The following ANK3 variants were observed in gnomAD, a reference collection of about 807,000 sequenced individuals.
The protein encoded by ANK3 is ankyrin 3.
ANK3 carries 57 observed loss-of-function variants against 370.9 expected under a neutral mutation model. That is an observed-to-expected ratio of 0.15 (90% CI 0.12 to 0.19). The LOEUF (loss-of-function observed/expected upper bound fraction) is 0.19. Among genes scored for constraint, ANK3 ranks in the 10% least tolerant of loss-of-function variants. The pLI is 1.00. For synonymous variants in ANK3, 1,929 were observed against 1,946.3 expected, an observed-to-expected ratio of 0.99 and a Z score of 0.23; for missense variants, 4,439 against 5,302.1, an observed-to-expected ratio of 0.84 and a Z score of 5.06.
At chr10:60,306,855 C>A (rs577863005) in intron 1 of ANK3, among the ~76,000 whole-genome samples, 6 of 152,226 alleles carry the variant, frequency 3.9e-5, no homozygotes, top group Admixed American at 3.9e-4. Context: ...GGTCCTCCTG[C>A]CCTGGCCTCC....
chr10:60,509,443 T>C (rs2076024584), intron 2 of ANK3, among the ~76,000 whole-genome samples: 1 of 152,156 alleles, frequency 6.6e-6, no homozygotes, highest in African/African-American at 2.4e-5. Context: ...TTAAGAAACT[T>C]GCTGAAAGCC....
intron 2 of ANK3, among the ~76,000 whole-genome samples, chr10:60,499,108 A>G (rs892496213): frequency 2.0e-5 from 3 of 152,190 alleles, no homozygotes; most frequent in Non-Finnish European, 4.4e-5. Flanking sequence ...AGGGGAGAAA[A>G]GACAGATTAA....
intron 2 of ANK3, among the ~76,000 whole-genome samples, chr10:60,497,952 T>A (rs891483681): frequency 2.6e-5 from 4 of 152,176 alleles, no homozygotes; most frequent in Admixed American, 2.6e-4. Context: ...AAGGAAAGTA[T>A]TTTTAGAGGT....
chr10:60,609,538 T>TTTTTTTTTTCC (rs1491320382), intron 2 of ANK3, among the ~76,000 whole-genome samples: 17 of 13,990 alleles, frequency 1.2e-3, no homozygotes, highest in African/African-American at 2.5e-3. Context: ...TCTTTTTTCC[T>TTTTTTTTTTCC]TTTTTTTTTT....
intron 28 of ANK3, among the ~76,000 whole-genome samples, chr10:60,092,840 ATTC>A (rs2088942150): frequency 6.6e-6 from 1 of 152,210 alleles, no homozygotes; most frequent in South Asian, 2.1e-4. Flanking sequence ...GGCTCAAGCA[ATTC>A]TTCTGTCTCA....
At chr10:60,367,459 G>T (rs1439881778) in intron 1 of ANK3, among the ~76,000 whole-genome samples, 1 of 152,166 alleles carries the variant, frequency 6.6e-6, no homozygotes, top group Non-Finnish European at 1.5e-5. Context: ...GAGAAAGAAA[G>T]AAATGAATTC....
intron 1 of ANK3, among the ~76,000 whole-genome samples, chr10:60,305,527 A>G (rs2044831702): frequency 6.6e-6 from 1 of 151,946 alleles, no homozygotes; most frequent in Admixed American, 6.6e-5. Context: ...GTCTTTAGTG[A>G]GAAGAGACAG....
At chr10:60,458,382 T>C (rs1490868551) in intron 2 of ANK3, among the ~76,000 whole-genome samples, 3 of 152,144 alleles carry the variant, frequency 2.0e-5, no homozygotes, top group African/African-American at 7.2e-5. Context: ...AGGGTCCTAA[T>C]ATGTGTCTGG....
At chr10:60,247,047 G>A (rs2097566426) in intron 7 of ANK3, among the ~76,000 whole-genome samples, 1 of 152,058 alleles carries the variant, frequency 6.6e-6, no homozygotes, top group Non-Finnish European at 1.5e-5. Flanking sequence ...ATGGAGTCTC[G>A]CTCTATTGCC....
intron 2 of ANK3, among the ~76,000 whole-genome samples, chr10:60,421,206 T>C (rs74155613): frequency 6.6e-6 from 1 of 152,174 alleles, no homozygotes; most frequent in African/African-American, 2.4e-5. Context: ...TGCTTAATAA[T>C]AGAGTTTATG....
At chr10:60,053,097 C>T (rs1209297117) in intron 42 of ANK3, among the ~76,000 whole-genome samples, 1 of 152,004 alleles carries the variant, frequency 6.6e-6, no homozygotes, top group Non-Finnish European at 1.5e-5. Context: ...ACTAAGTTTG[C>T]TATTATTATT....
At chr10:60,699,256 T>C (rs555192047) in intron 1 of ANK3, among the ~76,000 whole-genome samples, 65 of 152,038 alleles carry the variant, frequency 4.3e-4, no homozygotes, top group African/African-American at 1.5e-3. Context: ...AAACACCATC[T>C]GTACCCCAGT....
At chr10:60,658,347 A>AT (rs200089820) in intron 1 of ANK3, among the ~76,000 whole-genome samples, 175 of 150,842 alleles carry the variant, frequency 1.2e-3, no homozygotes, top group East Asian at 0.011. Context: ...GTATCTCTTC[A>AT]TTTTTTTTAG....
intron 28 of ANK3, among the ~76,000 whole-genome samples, chr10:60,098,838 A>C (rs1216637396): frequency 6.6e-6 from 1 of 152,160 alleles, no homozygotes; most frequent in East Asian, 1.9e-4. Context: ...TTCAGGGTAG[A>C]GATCCTCTTT....
At chr10:60,613,451 T>C (rs1259943324) in intron 2 of ANK3, among the ~76,000 whole-genome samples, 52 of 152,206 alleles carry the variant, frequency 3.4e-4, no homozygotes, top group Admixed American at 3.4e-3. Context: ...ATTAAGATAG[T>C]TTTACTTTTG....
intron 25 of ANK3, among the ~76,000 whole-genome samples, chr10:60,130,881 C>T (rs74478480): frequency 5.5e-4 from 84 of 152,264 alleles, no homozygotes; most frequent in South Asian, 1.9e-3. Flanking sequence ...AGGATTTTTC[C>T]TCCTTCCTCC....
rs2072452421 is a variant in ANK3, at chr10:60,027,300, T to TA, written c.*2545_*2546insT. On this transcript the variant is annotated 3_prime_UTR_variant, in exon 44 of 44. Coordinates refer to ENST00000280772, the MANE Select transcript of ANK3 (RefSeq NM_020987.5). ...ATTTTGGGAAAGTTTTTTTTTTTTTTTTTTTTTAAAAAAAAAACCTCTCAA... is the reference window on the plus strand; with the variant it reads ...ATTTTGGGAAAGTTTTTTTTTTTTTTATTTTTTTAAAAAAAAAACCTCTCAA... The TA allele has an allele frequency of 6.7e-6, 1 of 149,384 alleles. No individual in the cohort carries two copies. The highest frequency in any genetic ancestry group is 2.5e-5 in the African/African-American group (1 of 40,288). 9.3% of individuals were successfully genotyped at this position (149,384 alleles called of 1,614,324 possible).
intron 1 of ANK3, among the ~76,000 whole-genome samples, chr10:60,352,123 G>A (rs971743311): frequency 5.3e-5 from 8 of 152,026 alleles, no homozygotes; most frequent in Admixed American, 3.9e-4. Flanking sequence ...TGGTGAAACC[G>A]TGTCTCTTCT....
intron 43 of ANK3, among the ~76,000 whole-genome samples, chr10:60,036,249 A>T (rs147510845): frequency 1.1e-3 from 170 of 152,100 alleles, no homozygotes; most frequent in African/African-American, 4.0e-3. Context: ...TCCCACTGTT[A>T]TATTCTAGCC....
Sources: allele counts gnomAD v4.1 joint callset (sites outside exome capture counted in the v4.1 genomes callset), GRCh38; gene constraint gnomAD v4.1.1; transcripts MANE v1.5; gene names NCBI Gene and HGNC (gene_info 2026-07-23, HGNC 2026-07-21).